SDK2: variants seen among roughly 807,000 people sequenced by gnomAD.
The protein encoded by SDK2 is sidekick cell adhesion molecule 2.
In SDK2, 105 loss-of-function variants were observed where a neutral mutation model predicts 253.9. The observed-to-expected ratio is 0.41, with a 90% CI of 0.35 to 0.49. The LOEUF (loss-of-function observed/expected upper bound fraction) is 0.49, where lower values mean the gene tolerates loss of function less well. Among genes scored for constraint, SDK2 ranks in the 20% least tolerant of loss-of-function variants. The pLI is 0.06. For missense variants in SDK2, 2,608 were observed against 3,003.0 expected (o/e 0.87, Z 3.07); for synonymous variants, 1,249 against 1,234.9 (o/e 1.01, Z -0.24).
At chr17:73,526,471 C>T (rs779783995) in intron 1 of SDK2, among the ~76,000 whole-genome samples, 4 of 152,112 alleles carry the variant, frequency 2.6e-5, no homozygotes, top group African/African-American at 7.2e-5. Flanking sequence ...AAAATGCAGA[C>T]GTATCTCTCA....
At position 73,405,517 on chromosome 17, in the gene SDK2, T is replaced by TATAAATAA. The variant is rs750250733; in HGVS notation, c.2485-3377_2485-3376insTTATTTAT. Among the ~76,000 whole-genome samples, 217 of 66,132 alleles carry TATAAATAA rather than the reference T, an allele frequency of 3.3e-3. 53 individuals are homozygous for TATAAATAA. The highest frequency in any genetic ancestry group is 4.0e-3 in the Non-Finnish European group (150 of 37,278). The allele number at this position is 66,132 out of a possible 152,430, so 43.4% of individuals were successfully genotyped here. A position where few individuals can be genotyped will look rare whatever the true frequency, so the allele number is the denominator to read the frequency against. On this transcript the variant is annotated intron_variant, in intron 18 of 44. Coordinates refer to ENST00000392650, the MANE Select transcript of SDK2 (RefSeq NM_001144952.2). ...ATATATATATATATATATATATATA[T>TATAAATAA]AAAGATCGAGAATGTGGAAAGTACA...
chr17:73,419,068 G>T, intron 16 of SDK2, 98 bp downstream of exon 16: 2 of 1,365,906 alleles, frequency 1.5e-6, no homozygotes, highest in Non-Finnish European at 2.0e-6. Context: ...ATGGCGAAGG[G>T]CCTGCCATGA....
Position 73,639,440 on chromosome 17 carries a change from G to A in SDK2, c.64+4585C>T, listed in dbSNP as rs558425139. ...GACAGCAGGGGTGGGACACCTAGGG[G>A]AGGGGGCACCCGGGGTGTCTCGGCA... On this transcript the variant is annotated intron_variant, in intron 1 of 44. Transcript: ENST00000392650. The surrounding 1 kb of genome is among the most constrained non-coding windows in gnomAD (Gnocchi z 4.3). 1.3e-5 allele frequency among the ~76,000 whole-genome samples: 2 copies of A among 152,328 alleles called. No individual in the cohort carries two copies. Among genetic ancestry groups the A allele is most frequent in the South Asian group, 4.1e-4 (2 of 4,828 alleles).
At position 73,642,042 on chromosome 17, in the gene SDK2, A is replaced by G. The variant is rs965682045; in HGVS notation, c.64+1983T>C. On this transcript the variant is annotated intron_variant, in intron 1 of 44. Coordinates refer to ENST00000392650, the MANE Select transcript of SDK2 (RefSeq NM_001144952.2). The surrounding 1 kb of genome is among the most constrained non-coding windows in gnomAD (Gnocchi z 4.7). ...CACGCAAAAAGCCAGCAAACAAGAA[A>G]GGCAGAGAGGAAGTGAATCAATCAC... is the stretch of plus-strand genomic sequence containing the variant. Among the ~76,000 whole-genome samples the G allele has an allele frequency of 3.7e-4, 56 of 152,314 alleles. No homozygotes were observed. The highest frequency in any genetic ancestry group is 1.3e-3 in the African/African-American group (53 of 41,572).
rs1251594219 is a variant in SDK2, at chr17:73,398,087, G to T, written c.3302C>A (p.Ala1101Asp). 2 of 1,613,592 alleles carry T rather than the reference G, an allele frequency of 1.2e-6. No homozygotes were observed. The highest frequency in any genetic ancestry group is 8.5e-7 in the Non-Finnish European group (1 of 1,179,884). ...TLQAPPDMAPANVSLRTASET... is the reference protein window; with the variant it reads ...TLQAPPDMAPDNVSLRTASET... ...ACTGGCTGTGCGCAGAGACACATTG[G>T]CTGGGGCCATGTCAGGGGGTGCCTG... Residue 1101 changes from alanine to aspartate, a missense_variant, in exon 24 of 45, where the codon GCC becomes GAC. This residue lies in a region of SDK2 where 1,505 missense variants were observed against 1,859.1 expected (regional missense o/e 0.81). Coordinates refer to ENST00000392650, the MANE Select transcript of SDK2 (RefSeq NM_001144952.2).
intron 1 of SDK2, among the ~76,000 whole-genome samples, chr17:73,550,784 C>T (rs755147539): frequency 1.3e-5 from 2 of 152,174 alleles, no homozygotes; most frequent in Non-Finnish European, 2.9e-5. Flanking sequence ...ACCCAGAGAT[C>T]GGTGACACAA....
rs1231243512 is a variant in SDK2, at chr17:73,638,589, GCAGT to G, written c.64+5432_64+5435del. Among the ~76,000 whole-genome samples, 7 of 152,250 alleles carry G rather than the reference GCAGT, an allele frequency of 4.6e-5. No homozygotes were observed. The South Asian group carries it at 1.0e-3, about 23-fold the overall frequency. ...GCCTGGTAAATTCCAGGAACAACAG[GCAGT>G]CAGTGTGGGGACAGGAGTGAATGCA... On this transcript the variant is annotated intron_variant, in intron 1 of 44. Coordinates refer to ENST00000392650, the MANE Select transcript of SDK2 (RefSeq NM_001144952.2).
At chr17:73,506,280 T>G (rs770889215) in intron 2 of SDK2, among the ~76,000 whole-genome samples, 32 of 152,142 alleles carry the variant, frequency 2.1e-4, no homozygotes, top group Non-Finnish European at 4.1e-4. Flanking sequence ...CTTTCTGATC[T>G]CCTTGTGGGC....
At chr17:73,555,114 G>C (rs2045123782) in intron 1 of SDK2, among the ~76,000 whole-genome samples, 1 of 152,250 alleles carries the variant, frequency 6.6e-6, no homozygotes, top group Admixed American at 6.5e-5. Context: ...GCATTGTCTA[G>C]CTGCATATGC....
chr17:73,348,672 G>A lies in SDK2; in HGVS notation c.6092C>T (p.Thr2031Ile). ...TGCAGGGATGAGGTCGTTGTATTTG[G>A]TGACATCCTCATCCGAGTAGTGCAG... ...GSLHYSDEDV[T>I]KYNDLIPAES... Residue 2031 changes from threonine to isoleucine, a missense_variant, in exon 44 of 45, where the codon ACC becomes ATC. Physicochemically the swap from Thr to Ile is moderately conservative, Grantham distance 89. Transcript: ENST00000392650. The A allele has an allele frequency of 6.2e-7, 1 of 1,612,400 alleles. No individual in the cohort carries two copies. Among genetic ancestry groups the A allele is most frequent in the South Asian group, 1.1e-5 (1 of 91,078 alleles).
intron 18 of SDK2, among the ~76,000 whole-genome samples, chr17:73,414,124 T>A (rs1302021911): frequency 6.6e-6 from 1 of 151,620 alleles, no homozygotes; most frequent in Non-Finnish European, 1.5e-5. Context: ...CTCGGCTCAC[T>A]GCAACCTCCG....
chr17:73,430,141 G>T (rs74553202), intron 12 of SDK2, among the ~76,000 whole-genome samples: 9,195 of 152,260 alleles, frequency 0.06, 891 homozygotes, highest in African/African-American at 0.2. Context: ...TGGGCTGGGG[G>T]ACACTAGCAG....
intron 2 of SDK2, among the ~76,000 whole-genome samples, chr17:73,493,683 G>A (rs1599618715): frequency 2.0e-5 from 3 of 152,224 alleles, no homozygotes. Context: ...AAAGCAATAG[G>A]TGTTTTGGAT....
Position 73,500,745 on chromosome 17 carries a change from C to T in SDK2, c.224+6693G>A, listed in dbSNP as rs560012448. ...CTCTGTCCATCCTCCCTCCATTCTC[C>T]TCCATCCTCCATCCATCCTTCCTCT... is the stretch of plus-strand genomic sequence containing the variant. On this transcript the variant is annotated intron_variant, in intron 2 of 44. Transcript: ENST00000392650. Among the ~76,000 whole-genome samples the T allele has an allele frequency of 2.0e-5, 3 of 150,350 alleles. No individual in the cohort carries two copies. The South Asian group carries it at 6.4e-4, about 32-fold the overall frequency.
intron 3 of SDK2, among the ~76,000 whole-genome samples, chr17:73,463,822 G>C (rs990420770): frequency 1.3e-5 from 2 of 152,164 alleles, no homozygotes; most frequent in Non-Finnish European, 2.9e-5. Flanking sequence ...GTGCTTTGCT[G>C]TCCTGCCAAG....
chr17:73,394,142 G>T (rs1297241797), intron 26 of SDK2, 67 bp downstream of exon 26: 11 of 975,950 alleles, frequency 1.1e-5, no homozygotes, highest in Non-Finnish European at 1.6e-5. Context: ...TAAGGACAAG[G>T]CCCCTTGGAT....
intron 18 of SDK2, 76 bp from the exon 19 acceptor site, chr17:73,402,217 G>T: frequency 2.0e-6 from 3 of 1,465,724 alleles, no homozygotes; most frequent in Middle Eastern, 1.8e-4. Context: ...CACAGGCTGG[G>T]CCAATCAACA....
chr17:73,406,813 C>T (rs1195883355), intron 18 of SDK2, among the ~76,000 whole-genome samples: 1 of 152,166 alleles, frequency 6.6e-6, no homozygotes, highest in Non-Finnish European at 1.5e-5. Flanking sequence ...AGAGAAATGA[C>T]TTCAAAAGAC....
Position 73,481,419 on chromosome 17 carries a change from A to T in SDK2, c.225-9201T>A, listed in dbSNP as rs1443257970. ...TGACTGGGATGAAGGATGCCTGCCC[A>T]GACAGCTGGTAAAGGATGGTCTGGG... On this transcript the variant is annotated intron_variant, in intron 2 of 44. Transcript: ENST00000392650. The surrounding 1 kb of genome is among the most constrained non-coding windows in gnomAD (Gnocchi z 4.5). 6.6e-6 allele frequency among the ~76,000 whole-genome samples: 1 copy of T among 152,168 alleles called. No homozygotes were observed. Among genetic ancestry groups the T allele is most frequent in the Non-Finnish European group, 1.5e-5 (1 of 68,024 alleles).
Sources: gnomAD v4.1 joint callset for allele counts (sites outside exome capture counted in the v4.1 genomes callset) on GRCh38, gnomAD v4.1.1 for gene constraint, gnomAD v4.1.1 regional missense constraint, Gnocchi (gnomAD v3.1) non-coding constraint, MANE v1.5 for transcripts, NCBI Gene and HGNC (gene_info 2026-07-23, HGNC 2026-07-21) for gene names.